Variants in SPAG16 observed in about 807,000 individuals in gnomAD.
SPAG16 encodes the protein sperm-associated antigen 16 protein.
SPAG16 carries 86 observed loss-of-function variants against 80.4 expected under a neutral mutation model. The ratio of observed to expected loss-of-function variants is 1.07; its 90% CI spans 0.90 to 1.28. The LOEUF (loss-of-function observed/expected upper bound fraction) is 1.28. Among genes scored for constraint, SPAG16 ranks in the 50% most tolerant of loss-of-function variants. The pLI is 0.00. For missense variants in SPAG16, 870 were observed against 765.3 expected (o/e 1.14, Z -1.61); for synonymous variants, 294 against 265.9 (o/e 1.11, Z -1.03).
chr2:213,928,777 G>C (rs1390656715), intron 11 of SPAG16, among the ~76,000 whole-genome samples: 2 of 152,172 alleles, frequency 1.3e-5, no homozygotes, highest in East Asian at 3.9e-4. Context: ...GCAGGGAGGA[G>C]GAGGATAAAT....
chr2:213,393,965 T>C (rs887087096), intron 9 of SPAG16, among the ~76,000 whole-genome samples: 1 of 152,148 alleles, frequency 6.6e-6, no homozygotes, highest in South Asian at 2.1e-4. Context: ...AAATGTATAA[T>C]TGACATTAAT....
chr2:213,353,582 T>C (rs1266945730), intron 7 of SPAG16, among the ~76,000 whole-genome samples: 1 of 152,216 alleles, frequency 6.6e-6, no homozygotes, highest in Non-Finnish European at 1.5e-5. Flanking sequence ...CCCTAGAGTA[T>C]CTGGCTTTAT....
intron 12 of SPAG16, among the ~76,000 whole-genome samples, chr2:213,931,724 A>G (rs1197853640): frequency 1.3e-5 from 2 of 152,134 alleles, no homozygotes; most frequent in East Asian, 3.9e-4. Context: ...ACTGACTTCC[A>G]ATTGGTGCCC....
chr2:213,554,890 A>G (rs114280709), intron 10 of SPAG16, among the ~76,000 whole-genome samples: 222 of 152,230 alleles, frequency 1.5e-3, no homozygotes, highest in African/African-American at 4.8e-3. Context: ...TAAGAGTTTA[A>G]GAAGGTGAGG....
At chr2:214,330,312 G>T (rs1310664097) in intron 15 of SPAG16, among the ~76,000 whole-genome samples, 3 of 151,486 alleles carry the variant, frequency 2.0e-5, no homozygotes, top group Non-Finnish European at 2.9e-5. Context: ...AAAGAAAATT[G>T]TATGGCACGG....
intron 10 of SPAG16, among the ~76,000 whole-genome samples, chr2:213,818,360 G>A (rs1445872192): frequency 6.6e-6 from 1 of 151,950 alleles, no homozygotes; most frequent in Non-Finnish European, 1.5e-5. Context: ...TTTATCTCAG[G>A]TCATTGTTTT....
chr2:214,025,071 G>A (rs781284464), intron 13 of SPAG16, among the ~76,000 whole-genome samples: 26 of 151,418 alleles, frequency 1.7e-4, no homozygotes, highest in Non-Finnish European at 3.1e-4. Flanking sequence ...TTTAAAATGG[G>A]AATAATAATA....
chr2:213,811,184 G>T (rs192365974), intron 10 of SPAG16, among the ~76,000 whole-genome samples: 1 of 151,954 alleles, frequency 6.6e-6, no homozygotes, highest in African/African-American at 2.4e-5. Context: ...TTCTCTCTTT[G>T]TTTAACAGTA....
intron 10 of SPAG16, among the ~76,000 whole-genome samples, chr2:213,667,480 A>C (rs1003953528): frequency 3.3e-5 from 5 of 152,218 alleles, no homozygotes; most frequent in Admixed American, 6.5e-5. Flanking sequence ...AACAGTCCCA[A>C]TATCTACTAT....
chr2:214,291,221 A>G lies in SPAG16; in HGVS notation c.1721-118919A>G, dbSNP rs529002494. Among the ~76,000 whole-genome samples, 33 of 151,188 alleles carry G rather than the reference A, an allele frequency of 2.2e-4. No homozygotes were observed. The Middle Eastern group carries it at 0.014, about 63-fold the overall frequency. On this transcript the variant is annotated intron_variant, in intron 15 of 15. Transcript: ENST00000331683. ...CCTTTTGTTTGGAATATCTTTTTCCAGCACTTCACTTTGAGTCTATATATG... is the reference window on the plus strand; with the variant it reads ...CCTTTTGTTTGGAATATCTTTTTCCGGCACTTCACTTTGAGTCTATATATG...
intron 9 of SPAG16, among the ~76,000 whole-genome samples, chr2:213,485,121 A>G (rs2073923741): frequency 4.0e-5 from 6 of 151,422 alleles, no homozygotes. Context: ...CAGCCCCCCA[A>G]GTAGCTGGGA....
intron 9 of SPAG16, among the ~76,000 whole-genome samples, chr2:213,421,009 G>T (rs1186364065): frequency 2.0e-5 from 3 of 152,200 alleles, no homozygotes; most frequent in Admixed American, 6.5e-5. Context: ...AGTCACAGCT[G>T]GGGCTGCATC....
intron 12 of SPAG16, among the ~76,000 whole-genome samples, chr2:214,002,296 C>T (rs932526946): frequency 1.3e-5 from 2 of 152,054 alleles, no homozygotes; most frequent in East Asian, 3.9e-4. Flanking sequence ...CACATTCATT[C>T]TTACTCTTCT....
At position 213,935,502 on chromosome 2, in the gene SPAG16, G is replaced by T. The variant is rs1011748930; in HGVS notation, c.1400+5357G>T. Among the ~76,000 whole-genome samples, 5 of 152,074 alleles carry T rather than the reference G, an allele frequency of 3.3e-5. No homozygotes were observed. In the South Asian group the frequency reaches 1.0e-3, roughly 32 times the overall value. Reference sequence around the variant, plus strand: ...CATCTTTATTGTCTATCGCAATGCTGTTGGAGTCCATGAAATCCTGCTTGC... The same window carrying T: ...CATCTTTATTGTCTATCGCAATGCTTTTGGAGTCCATGAAATCCTGCTTGC... On this transcript the variant is annotated intron_variant, in intron 12 of 15. Coordinates refer to ENST00000331683, the MANE Select transcript of SPAG16 (RefSeq NM_024532.5).
Position 213,507,891 on chromosome 2 carries a change from A to G in SPAG16, c.1070+17801A>G, listed in dbSNP as rs1399058885. Among the ~76,000 whole-genome samples the G allele has an allele frequency of 1.3e-5, 2 of 152,220 alleles. 1 individual carries two copies. Among genetic ancestry groups the G allele is most frequent in the Non-Finnish European group, 2.9e-5 (2 of 68,040 alleles). On this transcript the variant is annotated intron_variant, in intron 10 of 15. Coordinates refer to ENST00000331683, the MANE Select transcript of SPAG16 (RefSeq NM_024532.5). ...TTCATTTTCCTCTAAGTAAACAATC[A>G]TTAATCAATAGTGTATGGTAAGAGA...
intron 9 of SPAG16, among the ~76,000 whole-genome samples, chr2:213,393,612 G>A (rs945965777): frequency 6.6e-6 from 1 of 151,978 alleles, no homozygotes; most frequent in Non-Finnish European, 1.5e-5. Flanking sequence ...GTCTCCAAGT[G>A]CATTAGTGGA....
intron 12 of SPAG16, among the ~76,000 whole-genome samples, chr2:214,005,602 A>T (rs2046993757): frequency 6.6e-6 from 1 of 152,180 alleles, no homozygotes; most frequent in South Asian, 2.1e-4. Flanking sequence ...GGCAGACTCC[A>T]TGGTAGATTT....
intron 10 of SPAG16, among the ~76,000 whole-genome samples, chr2:213,531,707 A>G (rs2076073239): frequency 6.6e-6 from 1 of 152,094 alleles, no homozygotes; most frequent in Admixed American, 6.5e-5. Flanking sequence ...TATAATGAAG[A>G]CTTCAGTCTG....
chr2:214,177,937 C>G (rs1375174000), intron 15 of SPAG16, among the ~76,000 whole-genome samples: 1 of 37,712 alleles, frequency 2.7e-5, no homozygotes, highest in African/African-American at 1.9e-4. Context: ...ATATATATGG[C>G]CAGAATTGTT....
Sources: gnomAD v4.1 joint callset for allele counts (sites outside exome capture counted in the v4.1 genomes callset) on GRCh38, gnomAD v4.1.1 for gene constraint, MANE v1.5 for transcripts, NCBI Gene and HGNC (gene_info 2026-07-23, HGNC 2026-07-21) for gene names.